The following SHOX variants were observed in gnomAD, a reference collection of about 807,000 sequenced individuals.
SHOX encodes the protein SHOX homeobox.
A neutral mutation model predicts 29.6 loss-of-function variants in SHOX; 12 were observed. The observed-to-expected ratio is 0.41, with a 90% confidence interval of 0.26 to 0.66. The LOEUF is 0.66. SHOX is among the 30% of genes least tolerant of loss of function. SHOX has a pLI of 0.35. For missense variants in SHOX, 499 were observed against 437.7 expected, an observed-to-expected ratio of 1.14 and a Z score of -1.25; for synonymous variants, 214 against 200.6, an observed-to-expected ratio of 1.07 and a Z score of -0.57.
intron 2 of SHOX, among the ~76,000 whole-genome samples, chrX:638,596 C>T (rs772202636): frequency 1.3e-5 from 2 of 152,128 alleles, no homozygotes; most frequent in Admixed American, 6.5e-5. Flanking sequence ...CACTGCAGCC[C>T]GGTAGGACCC....
chrX:631,250 C>G, intron 1 of SHOX, 76 bp downstream of exon 1: 1 of 1,550,068 alleles, frequency 6.5e-7, no homozygotes. Context: ...GTCGGCCCCG[C>G]GCGCCCCTCG....
chrX:644,312 A>G lies in SHOX; in HGVS notation c.634-79A>G, dbSNP rs3748527. On this transcript the variant is annotated intron_variant, in intron 4 of 4. Coordinates refer to ENST00000686671, the MANE Select transcript of SHOX (RefSeq NM_000451.4). Reference sequence around the variant, plus strand: ...CCCTAGGGGAGAAGAGGCACGTTGGAGGTTTCCGGGGGCGCGGGGCGGAGC... The same window carrying G: ...CCCTAGGGGAGAAGAGGCACGTTGGGGGTTTCCGGGGGCGCGGGGCGGAGC... The G allele has an allele frequency of 0.43, 616,742 of 1,431,202 alleles. 134,184 individuals carry two copies. Among genetic ancestry groups the G allele is most frequent in the Middle Eastern group, 0.45 (1,776 of 3,968 alleles). The allele number at this position is 1,431,202 out of a possible 1,614,324, so 88.7% of individuals were successfully genotyped here.
In SHOX at chrX:644,613, C is replaced by A; in HGVS notation, c.856C>A (p.His286Asn). ...IADLRLKARK[H>N]AEALGL ...CGACCTGCGGCTCAAGGCGCGGAAG[C>A]ACGCGGAGGCCCTGGGGCTCTGACC... Residue 286 changes from histidine to asparagine, a missense_variant, in exon 5 of 5, where the codon CAC becomes AAC. By Grantham distance (68) the His-to-Asn change is moderately conservative (BLOSUM62 1). Transcript: ENST00000686671. 6.6e-7 allele frequency: 1 copy of A among 1,507,378 alleles called. No homozygotes were observed. Among genetic ancestry groups the A allele is most frequent in the Non-Finnish European group, 8.8e-7 (1 of 1,135,080 alleles). 93.4% of individuals were successfully genotyped at this position (1,507,378 alleles called of 1,614,324 possible).
intron 1 of SHOX, among the ~76,000 whole-genome samples, chrX:625,050 TGTTCCTTC>T (rs2052492579): frequency 2.4e-5 from 1 of 41,610 alleles, no homozygotes; most frequent in Non-Finnish European, 4.7e-5. Flanking sequence ...TTCCTCCCTC[TGTTCCTTC>T]CTCCCTCCCT....
chrX:629,682 G>A (rs1259282977), upstream of SHOX, among the ~76,000 whole-genome samples: 5 of 152,086 alleles, frequency 3.3e-5, no homozygotes, highest in Non-Finnish European at 7.4e-5. Flanking sequence ...TGTCATCCTG[G>A]GTCCCCAGGC....
At chrX:658,147 G>C (rs1402560069) in intron 5 of SHOX, among the ~76,000 whole-genome samples, 1 of 151,856 alleles carries the variant, frequency 6.6e-6, no homozygotes, top group Non-Finnish European at 1.5e-5. Flanking sequence ...GCTAATGTTT[G>C]TATTTTCAGT....
At chrX:625,664 C>T (rs1325835622) in intron 1 of SHOX, among the ~76,000 whole-genome samples, 40 of 136,840 alleles carry the variant, frequency 2.9e-4, no homozygotes, top group Non-Finnish European at 4.6e-4. Flanking sequence ...TCTCTGTCTT[C>T]GTTCCTCTCT....
In SHOX at chrX:647,106, C is replaced by G. The variant is rs1371612520; in HGVS notation, c.*2470C>G. On this transcript the variant is annotated 3_prime_UTR_variant, in exon 5 of 5. Transcript: ENST00000686671. ...ACGTTTCTCTTTAGAGACGGAATTT[C>G]AATCTTGTCCCCCAGGCTGGAGTGC... Among the ~76,000 whole-genome samples, 1 of 152,182 alleles carries G rather than the reference C, an allele frequency of 6.6e-6. No individual in the cohort carries two copies. Among genetic ancestry groups the G allele is most frequent in the Non-Finnish European group, 1.5e-5 (1 of 68,042 alleles).
intron 4 of SHOX, among the ~76,000 whole-genome samples, chrX:642,310 G>A (rs2052870751): frequency 6.6e-6 from 1 of 151,938 alleles, no homozygotes; most frequent in Admixed American, 6.5e-5. Context: ...TGGGGGGGGG[G>A]CTCTGGCAGG....
chrX:640,624 C>T (rs1266427636), intron 2 of SHOX, among the ~76,000 whole-genome samples, 197 bp from the exon 3 acceptor site: 3 of 152,064 alleles, frequency 2.0e-5, no homozygotes, highest in Non-Finnish European at 4.4e-5. Flanking sequence ...CAAAAAAACC[C>T]CAATTTCCAG....
At chrX:630,442 TTGTCTCTC>T (rs767085863), upstream of SHOX, 1,105 of 200,936 alleles carry the variant, frequency 5.5e-3, 20 homozygotes, top group African/African-American at 0.024. Flanking sequence ...CGTGAACTCC[TTGTCTCTC>T]TGTCTCTCTC....
chrX:647,113 G>C lies in SHOX; in HGVS notation c.*2477G>C, dbSNP rs966483395. On this transcript the variant is annotated 3_prime_UTR_variant, in exon 5 of 5. Coordinates refer to ENST00000686671, the MANE Select transcript of SHOX (RefSeq NM_000451.4). ...TCTTTAGAGACGGAATTTCAATCTT[G>C]TCCCCCAGGCTGGAGTGCAGTGGCA... Among the ~76,000 whole-genome samples, 1 of 152,170 alleles carries C rather than the reference G, an allele frequency of 6.6e-6. No individual in the cohort carries two copies. The highest frequency in any genetic ancestry group is 1.5e-5 in the Non-Finnish European group (1 of 68,026).
chrX:626,998 T>C (rs1406729677), upstream of SHOX, among the ~76,000 whole-genome samples: 1 of 151,706 alleles, frequency 6.6e-6, no homozygotes, highest in East Asian at 1.9e-4. Context: ...CTCTCTCCTC[T>C]CTCTCTGTCT....
chrX:644,413 A>T lies in SHOX; in HGVS notation c.656A>T (p.Glu219Val). ...CAGGTCCAGGCTCAGCTGCAGCTGG[A>T]AGGCGTGGCCCACGCGCACCCGCAC... ...FQQVQAQLQL[E>V]GVAHAHPHLH... Residue 219 changes from glutamate (E) to valine (V), a missense_variant, in exon 5 of 5, where the codon GAA becomes GTA. Coordinates refer to ENST00000686671, the MANE Select transcript of SHOX (RefSeq NM_000451.4). 1.3e-6 allele frequency: 2 copies of T among 1,522,284 alleles called. No homozygotes were observed. Among genetic ancestry groups the T allele is most frequent in the Non-Finnish European group, 1.8e-6 (2 of 1,142,526 alleles). The allele number at this position is 1,522,284 out of a possible 1,614,324, so 94.3% of individuals were successfully genotyped here.
At chrX:627,081 T>C (rs1257020633), upstream of SHOX, among the ~76,000 whole-genome samples, 2 of 151,996 alleles carry the variant, frequency 1.3e-5, no homozygotes, top group Non-Finnish European at 2.9e-5. Flanking sequence ...TTTTTCTCTC[T>C]CTCCCTGTCT....
chrX:628,022 A>G (rs1014134817), upstream of SHOX, among the ~76,000 whole-genome samples: 4 of 133,586 alleles, frequency 3.0e-5, no homozygotes, highest in African/African-American at 1.1e-4. Flanking sequence ...GCTCTAAGCC[A>G]GAGACCCTTC....
intron 2 of SHOX, among the ~76,000 whole-genome samples, chrX:636,947 A>AAAAAAAAAAT (rs1556463874): frequency 5.1e-5 from 4 of 78,926 alleles, no homozygotes; most frequent in South Asian, 4.1e-4. Flanking sequence ...TTCATTTAAA[A>AAAAAAAAAAT]ATATATATAT....
chrX:633,746 G>C (rs773248410), intron 1 of SHOX, among the ~76,000 whole-genome samples: 1 of 152,214 alleles, frequency 6.6e-6, no homozygotes, highest in Non-Finnish European at 1.5e-5. Flanking sequence ...GGAACAGAGG[G>C]GCGTTGGAGA....
intron 1 of SHOX, among the ~76,000 whole-genome samples, chrX:633,919 C>G (rs757590453): frequency 6.6e-6 from 1 of 152,216 alleles, no homozygotes; most frequent in Non-Finnish European, 1.5e-5. Flanking sequence ...ACTCCCCCAG[C>G]AAATACAGAC....
Sources: gnomAD v4.1 joint callset for allele counts (sites outside exome capture counted in the v4.1 genomes callset) on GRCh38, gnomAD v4.1.1 for gene constraint, MANE v1.5 for transcripts, NCBI Gene and HGNC (gene_info 2026-07-23, HGNC 2026-07-21) for gene names.